Variants in ARHGAP21 observed in about 807,000 individuals in gnomAD.
ARHGAP21 encodes Rho GTPase activating protein 21, also known as rho GTPase-activating protein 21.
A neutral mutation model predicts 164.6 loss-of-function variants in ARHGAP21; 38 were observed. That is an observed-to-expected ratio of 0.23 (90% CI 0.18 to 0.30). ARHGAP21 has a LOEUF of 0.30. Among genes scored for constraint, ARHGAP21 ranks in the 10% least tolerant of loss-of-function variants. ARHGAP21 has a pLI of 1.00. For missense variants in ARHGAP21, 1,822 were observed against 2,370.7 expected (o/e 0.77, Z 4.81); for synonymous variants, 766 against 857.9 (o/e 0.89, Z 1.87).
chr10:24,603,893 G>A (rs2076915899), intron 12 of ARHGAP21, among the ~76,000 whole-genome samples: 1 of 152,190 alleles, frequency 6.6e-6, no homozygotes, highest in Non-Finnish European at 1.5e-5. Context: ...CTACTTGGGA[G>A]GCTGAGGCAG....
chr10:24,592,156 ATTTTTTTTTTTTT>A (rs57846258), intron 21 of ARHGAP21, 144 bp from the exon 22 acceptor site: 9 of 212,782 alleles, frequency 4.2e-5, no homozygotes, highest in Non-Finnish European at 6.5e-5. Flanking sequence ...TTCTAGCAAG[ATTTTTTTTTTTTT>A]TTTTTTTTTT....
intron 2 of ARHGAP21, among the ~76,000 whole-genome samples, chr10:24,672,165 T>A (rs984646393): frequency 6.6e-6 from 1 of 152,182 alleles, no homozygotes; most frequent in African/African-American, 2.4e-5. Flanking sequence ...CTGAAATCCC[T>A]TTAAATCAGG....
intron 14 of ARHGAP21, among the ~76,000 whole-genome samples, chr10:24,599,953 G>A (rs2076742970): frequency 1.3e-5 from 2 of 152,012 alleles, no homozygotes; most frequent in South Asian, 2.1e-4. Context: ...CTAACACGGT[G>A]AAACCCCATC....
intron 2 of ARHGAP21, among the ~76,000 whole-genome samples, chr10:24,717,538 T>C (rs549196526): frequency 4.0e-5 from 6 of 151,888 alleles, no homozygotes; most frequent in Non-Finnish European, 5.9e-5. Context: ...AAGACCAGTA[T>C]GATGAGTAAA....
intron 11 of ARHGAP21, among the ~76,000 whole-genome samples, chr10:24,604,903 C>CT (rs1420194585): frequency 6.6e-6 from 1 of 152,122 alleles, no homozygotes; most frequent in Admixed American, 6.5e-5. Context: ...ACTGAACAGG[C>CT]TTAGAGCTTC....
At position 24,585,506 on chromosome 10, in the gene ARHGAP21, A is replaced by G. The variant is rs763018622; in HGVS notation, c.4783T>C (p.Tyr1595His). 3.1e-6 allele frequency: 5 copies of G among 1,614,174 alleles called. No homozygotes were observed. The highest frequency in any genetic ancestry group is 4.2e-6 in the Non-Finnish European group (5 of 1,180,046). ...CGACTGGAGTCCAGGCTAGTCAAGT[A>G]TGTAGCAGACGATGTGGTGGAATAA... Reference protein sequence around the residue: ...SDYSTTSSATYLTSLDSSRLS... With the variant: ...SDYSTTSSATHLTSLDSSRLS... The change falls in exon 26 of 26, where the codon TAC becomes CAC. Residue 1595 changes from tyrosine to histidine, a missense_variant. Around this residue, in one of 5 missense-constraint regions of ARHGAP21, gnomAD observed 333 missense variants for 383.9 expected, o/e 0.87. Coordinates refer to ENST00000396432, the MANE Select transcript of ARHGAP21 (RefSeq NM_020824.4).
In ARHGAP21 at chr10:24,651,885, A is replaced by G. The variant is rs35814568; in HGVS notation, c.268+15100T>C. Among the ~76,000 whole-genome samples, 230 of 152,336 alleles carry G rather than the reference A, an allele frequency of 1.5e-3. 5 individuals carry two copies. The East Asian group carries it at 0.038, about 25-fold the overall frequency. Reference sequence around the variant, plus strand: ...AACAGAATTTTTTTCATGTGGGTATAGAAACTGAAAATTTGATTCTAAGAA... The same window carrying G: ...AACAGAATTTTTTTCATGTGGGTATGGAAACTGAAAATTTGATTCTAAGAA... On this transcript the variant is annotated intron_variant, in intron 4 of 25. Coordinates refer to ENST00000396432, the MANE Select transcript of ARHGAP21 (RefSeq NM_020824.4).
intron 2 of ARHGAP21, among the ~76,000 whole-genome samples, chr10:24,678,217 A>G (rs1370485394): frequency 6.6e-6 from 1 of 152,206 alleles, no homozygotes; most frequent in Non-Finnish European, 1.5e-5. Context: ...CATCACAACC[A>G]GGTTACTGAC....
chr10:24,623,836 AT>A (rs1394966227), intron 7 of ARHGAP21, among the ~76,000 whole-genome samples: 1 of 152,140 alleles, frequency 6.6e-6, no homozygotes, highest in South Asian at 2.1e-4. Context: ...CATGGAGGCC[AT>A]TTTTTTCCCA....
intron 9 of ARHGAP21, among the ~76,000 whole-genome samples, chr10:24,617,880 G>A: frequency 6.7e-6 from 1 of 148,196 alleles, no homozygotes; most frequent in East Asian, 1.9e-4. Flanking sequence ...GGACACCAGG[G>A]GGACTACAAG....
chr10:24,710,640 T>C (rs963855157), intron 2 of ARHGAP21, among the ~76,000 whole-genome samples: 2 of 152,222 alleles, frequency 1.3e-5, no homozygotes, highest in East Asian at 1.9e-4. Flanking sequence ...CAATAAATGT[T>C]TGTTGAATTT....
At position 24,602,103 on chromosome 10, in the gene ARHGAP21, T is replaced by C; in HGVS notation, c.2722A>G (p.Ile908Val). Residue 908 changes from isoleucine (I) to valine (V), a missense_variant and splice_region_variant, in exon 13 of 26, where the codon ATC (isoleucine) becomes GTC (valine). Ile to Val is a conservative substitution (Grantham distance 29). Transcript: ENST00000396432. ...KHVSSLKGIK[I>V]ADSQKSSEDS... ...TCTGATGACTTTTGGCTGTCTGCGA[T>C]CTATAGAAAAGACCAAGAAAACAGT... 6.2e-7 allele frequency: 1 copy of C among 1,612,440 alleles called. No individual in the cohort carries two copies. Among genetic ancestry groups the C allele is most frequent in the South Asian group, 1.1e-5 (1 of 90,564 alleles).
At chr10:24,719,615 T>C (rs551428091) in intron 2 of ARHGAP21, among the ~76,000 whole-genome samples, 2 of 152,334 alleles carry the variant, frequency 1.3e-5, no homozygotes, top group South Asian at 4.1e-4. Flanking sequence ...ATAAATGTAG[T>C]ATCCAAACAC....
At chr10:24,652,313 G>T (rs1364571007) in intron 4 of ARHGAP21, among the ~76,000 whole-genome samples, 1 of 152,110 alleles carries the variant, frequency 6.6e-6, no homozygotes, top group Non-Finnish European at 1.5e-5. Context: ...AATTCATCTT[G>T]ACCTCATATC....
At chr10:24,632,437 A>C (rs776760079) in intron 6 of ARHGAP21, among the ~76,000 whole-genome samples, 38 of 152,336 alleles carry the variant, frequency 2.5e-4, no homozygotes, top group Non-Finnish European at 5.0e-4. Context: ...AATATTCAAG[A>C]GTTGTTTTCT....
intron 4 of ARHGAP21, among the ~76,000 whole-genome samples, chr10:24,655,094 C>T (rs1838666252): frequency 6.6e-6 from 1 of 152,232 alleles, no homozygotes; most frequent in Non-Finnish European, 1.5e-5. Flanking sequence ...TGGATCCCTT[C>T]CTTACACCTT....
intron 9 of ARHGAP21, among the ~76,000 whole-genome samples, chr10:24,610,175 G>A (rs539944544): frequency 1.2e-4 from 19 of 152,228 alleles, no homozygotes; most frequent in East Asian, 1.9e-4. Context: ...TCAGGAGTTC[G>A]AGACCAGCCT....
At chr10:24,641,889 T>C (rs1034948912) in intron 4 of ARHGAP21, among the ~76,000 whole-genome samples, 1 of 151,666 alleles carries the variant, frequency 6.6e-6, no homozygotes, top group Non-Finnish European at 1.5e-5. Context: ...GCCAGCTACT[T>C]GGGAGGCTGA....
chr10:24,690,997 C>T (rs1266650611), intron 2 of ARHGAP21, among the ~76,000 whole-genome samples: 1 of 151,944 alleles, frequency 6.6e-6, no homozygotes, highest in African/African-American at 2.4e-5. Context: ...GTTCAGAACA[C>T]AGCTCTCATA....
Sources: allele counts gnomAD v4.1 joint callset (sites outside exome capture counted in the v4.1 genomes callset), GRCh38; gene constraint gnomAD v4.1.1; regional missense constraint gnomAD v4.1.1; transcripts MANE v1.5; gene names NCBI Gene and HGNC (gene_info 2026-07-23, HGNC 2026-07-21).